Variants in NAT1 observed in about 807,000 individuals in gnomAD.
The protein encoded by NAT1 is arylamine N-acetyltransferase 1.
For missense variants in NAT1, 400 were observed against 339.2 expected (o/e 1.18, Z -1.41); for synonymous variants, 144 against 122.6 (o/e 1.17, Z -1.16).
intron 2 of NAT1, among the ~76,000 whole-genome samples, chr8:18,181,444 T>C (rs1286515681): frequency 1.3e-5 from 2 of 152,190 alleles, no homozygotes; most frequent in African/African-American, 2.4e-5. Context: ...TGAGTGAATT[T>C]ATCAATTTGA....
chr8:18,181,050 G>C lies in NAT1; in HGVS notation n.92+10311G>C, dbSNP rs979070145. 2.6e-5 allele frequency among the ~76,000 whole-genome samples: 4 copies of C among 151,922 alleles called. No individual in the cohort carries two copies. The South Asian group carries it at 6.2e-4, about 24-fold the overall frequency. ...TCTATTTCTGTGAAGTATGTCATTG[G>C]TATTTTGATAGGAATGCATTGAATC... On this transcript the variant is annotated intron_variant and non_coding_transcript_variant, in intron 2 of 4. Transcript: ENST00000517441.
upstream of NAT1, among the ~76,000 whole-genome samples, chr8:18,205,968 G>T (rs116481986): frequency 5.3e-3 from 814 of 152,258 alleles, 6 homozygotes; most frequent in African/African-American, 0.018. Flanking sequence ...AGGGCTAAAG[G>T]CTCCTATGGG....
intron 2 of NAT1, among the ~76,000 whole-genome samples, chr8:18,181,195 T>G (rs985537217): frequency 1.3e-5 from 2 of 152,174 alleles, no homozygotes; most frequent in Non-Finnish European, 2.9e-5. Flanking sequence ...TTTTATATTT[T>G]CCTTGTGGAG....
intron 2 of NAT1, among the ~76,000 whole-genome samples, chr8:18,198,013 A>C (rs1359231390): frequency 6.6e-6 from 1 of 152,144 alleles, no homozygotes; most frequent in South Asian, 2.1e-4. Context: ...ACTTACTAAA[A>C]TTGCTAGCAA....
chr8:18,215,932 C>T (rs1173479195), intron 1 of NAT1, among the ~76,000 whole-genome samples: 1 of 152,088 alleles, frequency 6.6e-6, no homozygotes, highest in Admixed American at 6.6e-5. Context: ...AGGTCTATGC[C>T]TTTCTCTGAA....
chr8:18,178,171 C>T (rs1007339981), intron 2 of NAT1, among the ~76,000 whole-genome samples: 1 of 151,970 alleles, frequency 6.6e-6, no homozygotes, highest in African/African-American at 2.4e-5. Context: ...AACTTAAGAG[C>T]AGGAGATGCA....
At chr8:18,201,979 A>C (rs962298474) in intron 2 of NAT1, among the ~76,000 whole-genome samples, 4 of 152,228 alleles carry the variant, frequency 2.6e-5, no homozygotes, top group African/African-American at 9.6e-5. Context: ...AGTTTCCAAA[A>C]TACAACTTTC....
chr8:18,177,633 G>C (rs1248293562), intron 2 of NAT1, among the ~76,000 whole-genome samples: 1 of 152,110 alleles, frequency 6.6e-6, no homozygotes, highest in Non-Finnish European at 1.5e-5. Flanking sequence ...GATAAATGCA[G>C]TGGGAGGAAA....
At chr8:18,211,368 T>G (rs1804085529) in intron 1 of NAT1, 1 of 152,178 alleles carries the variant, frequency 6.6e-6, no homozygotes, top group Non-Finnish European at 1.5e-5. Flanking sequence ...CTTTCCTAAT[T>G]AAGAAACAAA....
At chr8:18,188,524 A>G (rs1802835676) in intron 2 of NAT1, among the ~76,000 whole-genome samples, 2 of 152,172 alleles carry the variant, frequency 1.3e-5, no homozygotes, top group South Asian at 2.1e-4. Flanking sequence ...AGTTGATTTT[A>G]TCAACTTTTA....
Position 18,222,277 on chromosome 8 carries a change from G to A in NAT1, c.230G>A (p.Trp77Ter), listed in dbSNP as rs899099033. The A allele has an allele frequency of 6.2e-7, 1 of 1,613,934 alleles. No individual in the cohort carries two copies. Among genetic ancestry groups the A allele is most frequent in the Non-Finnish European group, 8.5e-7 (1 of 1,180,012 alleles). ...WCLQVNHLLY[W>*]ALTTIGFETT... ...CTCCAGGTCAATCATCTTCTGTACT[G>A]GGCTCTGACCACTATTGGTTTTGAG... Residue 77 changes from tryptophan (W) to a stop codon, truncating the protein, a stop_gained, in exon 3 of 3, where the codon TGG (tryptophan) becomes TAG (stop). Transcript: ENST00000307719. LOFTEE classifies it low-confidence loss of function (END_TRUNC).
chr8:18,177,091 C>T (rs945451612), intron 2 of NAT1, among the ~76,000 whole-genome samples: 2 of 151,950 alleles, frequency 1.3e-5, no homozygotes, highest in Non-Finnish European at 2.9e-5. Context: ...GAATTGATCA[C>T]TTTTAACAGT....
At chr8:18,206,579 C>A (rs971926381), upstream of NAT1, among the ~76,000 whole-genome samples, 3 of 152,126 alleles carry the variant, frequency 2.0e-5, no homozygotes, top group Admixed American at 6.5e-5. Context: ...AGTACACAAG[C>A]CCTTTTTTCA....
upstream of NAT1, among the ~76,000 whole-genome samples, chr8:18,206,794 C>G (rs551775954): frequency 4.6e-5 from 7 of 152,218 alleles, no homozygotes; most frequent in South Asian, 2.1e-4. Flanking sequence ...GTTTCTTTTG[C>G]TTTAATTAGA....
At chr8:18,207,500 AT>A (rs1563179875), upstream of NAT1, among the ~76,000 whole-genome samples, 1 of 152,214 alleles carries the variant, frequency 6.6e-6, no homozygotes, top group African/African-American at 2.4e-5. Flanking sequence ...CACGATATTG[AT>A]TCTTCCTATC....
intron 2 of NAT1, among the ~76,000 whole-genome samples, chr8:18,177,434 A>G (rs1477307544): frequency 2.0e-5 from 3 of 152,110 alleles, no homozygotes; most frequent in African/African-American, 7.2e-5. Context: ...AAAATTTACA[A>G]ACAATTGCTT....
chr8:18,220,945 G>A (rs1190574059), intron 2 of NAT1, among the ~76,000 whole-genome samples: 1 of 152,168 alleles, frequency 6.6e-6, no homozygotes, highest in African/African-American at 2.4e-5. Context: ...CGCAATATGG[G>A]CAGCCTGTTC....
chr8:18,184,324 G>C (rs866823209), intron 2 of NAT1, among the ~76,000 whole-genome samples: 6 of 152,130 alleles, frequency 3.9e-5, no homozygotes, highest in South Asian at 4.1e-4. Flanking sequence ...AGAGTCCTGA[G>C]ACAGCCCTGA....
chr8:18,192,282 A>G (rs1803023436), intron 2 of NAT1, among the ~76,000 whole-genome samples: 1 of 152,198 alleles, frequency 6.6e-6, no homozygotes, highest in Non-Finnish European at 1.5e-5. Context: ...AATCAAAACC[A>G]CAATGAGATA....
Sources: allele counts gnomAD v4.1 joint callset (sites outside exome capture counted in the v4.1 genomes callset), GRCh38; gene constraint gnomAD v4.1.1; transcripts MANE v1.5; gene names NCBI Gene and HGNC (gene_info 2026-07-23, HGNC 2026-07-21).